The following SOX5 variants were observed in gnomAD, a reference collection of about 807,000 sequenced individuals.
The protein encoded by SOX5 is transcription factor SOX-5.
A neutral mutation model predicts 92.0 loss-of-function variants in SOX5; 9 were observed. That is an observed-to-expected ratio of 0.10 (90% CI 0.06 to 0.17). The LOEUF (loss-of-function observed/expected upper bound fraction) is 0.17. SOX5 is among the 10% of genes least tolerant of loss of function. The pLI, the probability that SOX5 is intolerant of heterozygous loss-of-function variation, is 1.00. For synonymous variants in SOX5, 344 were observed against 336.3 expected (o/e 1.02, Z -0.25); for missense variants, 642 against 944.5 (o/e 0.68, Z 4.20).
At chr12:23,670,266 G>A (rs2139552186) in intron 6 of SOX5, among the ~76,000 whole-genome samples, 1 of 152,222 alleles carries the variant, frequency 6.6e-6, no homozygotes, top group South Asian at 2.1e-4. Context: ...TTAGAACAGA[G>A]GGTAGAAATC....
rs1390117263 is a variant in SOX5 at position 24,128,182 on chromosome 12, T to TATC, written c.-2+85158_-2+85160dup. On this transcript the variant is annotated intron_variant, in intron 4 of 4. Transcript: ENST00000446891. ...TGGGTTTTGCTGTTATTTGTATTAT[T>TATC]ATCATACACAAGGATATTTAAAAAT... Among the ~76,000 whole-genome samples, 4 of 152,324 alleles carry TATC rather than the reference T, an allele frequency of 2.6e-5. No individual in the cohort carries two copies. The South Asian group carries it at 8.3e-4, about 32-fold the overall frequency.
chr12:24,235,629 A>G (rs1964318979), intron 3 of SOX5, among the ~76,000 whole-genome samples: 1 of 152,254 alleles, frequency 6.6e-6, no homozygotes, highest in Admixed American at 6.5e-5. Flanking sequence ...CAAAACGTTT[A>G]TCTTCTTAAG....
chr12:24,349,073 A>G (rs971724927), intron 2 of SOX5, among the ~76,000 whole-genome samples: 1 of 152,156 alleles, frequency 6.6e-6, no homozygotes, highest in Non-Finnish European at 1.5e-5. Flanking sequence ...TTTTCATTTA[A>G]ACATACCCAG....
At chr12:24,457,029 T>C (rs1943094677) in intron 1 of SOX5, among the ~76,000 whole-genome samples, 1 of 152,230 alleles carries the variant, frequency 6.6e-6, no homozygotes, top group Admixed American at 6.5e-5. Flanking sequence ...TTTTGCCAAA[T>C]GCCATACATT....
chr12:23,749,078 T>C (rs1209286752), intron 4 of SOX5, among the ~76,000 whole-genome samples: 1 of 151,894 alleles, frequency 6.6e-6, no homozygotes, highest in Non-Finnish European at 1.5e-5. Flanking sequence ...AGAGAAAAGG[T>C]AGACCTCCCC....
chr12:23,812,233 C>T (rs2095887964), intron 3 of SOX5, among the ~76,000 whole-genome samples: 1 of 151,944 alleles, frequency 6.6e-6, no homozygotes, highest in Admixed American at 6.6e-5. Context: ...AAAACAGCTA[C>T]TAATGGTATA....
chr12:24,190,958 A>G (rs1261603453), intron 4 of SOX5, among the ~76,000 whole-genome samples: 1 of 152,228 alleles, frequency 6.6e-6, no homozygotes, highest in African/African-American at 2.4e-5. Flanking sequence ...ATTTAAAAAA[A>G]AGAGAATGAG....
intron 1 of SOX5, among the ~76,000 whole-genome samples, chr12:24,520,745 G>C (rs1437447017): frequency 6.6e-6 from 1 of 152,172 alleles, no homozygotes; most frequent in Non-Finnish European, 1.5e-5. Context: ...CTTTACAAAA[G>C]ACTCACTTTA....
chr12:24,382,198 T>A (rs1669439773), intron 1 of SOX5, among the ~76,000 whole-genome samples: 3 of 152,096 alleles, frequency 2.0e-5, no homozygotes, highest in South Asian at 2.1e-4. Context: ...GAAAAGCAAG[T>A]CTTTGGTAGT....
At chr12:24,441,506 TC>T (rs1426214493) in intron 1 of SOX5, among the ~76,000 whole-genome samples, 2 of 152,260 alleles carry the variant, frequency 1.3e-5, no homozygotes, top group African/African-American at 4.8e-5. Context: ...TTGCATATTA[TC>T]GGAGCTTGCT....
At chr12:23,923,689 G>C (rs1018407446) in intron 1 of SOX5, among the ~76,000 whole-genome samples, 1 of 152,038 alleles carries the variant, frequency 6.6e-6, no homozygotes, top group Non-Finnish European at 1.5e-5. Context: ...TTGGGGTTTA[G>C]GGTCTTCCAT....
intron 3 of SOX5, among the ~76,000 whole-genome samples, chr12:23,787,888 A>G (rs955300201): frequency 3.3e-5 from 5 of 151,910 alleles, no homozygotes; most frequent in Non-Finnish European, 7.4e-5. Context: ...GATAATACAT[A>G]GGAAAGTGAG....
intron 3 of SOX5, among the ~76,000 whole-genome samples, chr12:23,833,329 C>T (rs61634715): frequency 0.019 from 2,838 of 151,920 alleles, 89 homozygotes; most frequent in African/African-American, 0.063. Context: ...CAATCTGGAG[C>T]CCATCATAAG....
rs2138424821 is a variant in SOX5 at position 23,911,871 on chromosome 12, T to G, written c.39-15847A>C. 4.6e-5 allele frequency among the ~76,000 whole-genome samples: 7 copies of G among 152,246 alleles called. 1 individual carries two copies. Among genetic ancestry groups the G allele is most frequent in the Admixed American group, 4.6e-4 (7 of 15,288 alleles). On this transcript the variant is annotated intron_variant, in intron 1 of 14. Coordinates refer to ENST00000451604, the MANE Select transcript of SOX5 (RefSeq NM_006940.6). ...TTAGAAGGAAACACAGAAGAACATC[T>G]TCGTGGCCTTGGGTTAGGCAATGGT... is the stretch of plus-strand genomic sequence containing the variant.
At chr12:24,322,826 T>C (rs1950331545) in intron 2 of SOX5, among the ~76,000 whole-genome samples, 1 of 149,816 alleles carries the variant, frequency 6.7e-6, no homozygotes, top group South Asian at 2.1e-4. Flanking sequence ...AGACAAAGTA[T>C]CAAATAATGT....
chr12:24,228,384 T>C (rs1962564511), intron 3 of SOX5, among the ~76,000 whole-genome samples: 1 of 152,250 alleles, frequency 6.6e-6, no homozygotes, highest in Admixed American at 6.5e-5. Context: ...GGGATGATTA[T>C]ACATATGTTT....
At chr12:24,359,539 C>T (rs143532430) in intron 2 of SOX5, among the ~76,000 whole-genome samples, 188 of 152,324 alleles carry the variant, frequency 1.2e-3, no homozygotes, top group African/African-American at 4.4e-3. Context: ...GTTCTTCTTG[C>T]TCCCCCTTAG....
At chr12:24,525,130 T>C (rs1950589829) in intron 1 of SOX5, among the ~76,000 whole-genome samples, 1 of 152,182 alleles carries the variant, frequency 6.6e-6, no homozygotes, top group South Asian at 2.1e-4. Context: ...CAATAGCCAA[T>C]ATGTAAAACA....
At chr12:24,559,943 A>T (rs1954170824) in intron 1 of SOX5, among the ~76,000 whole-genome samples, 1 of 152,214 alleles carries the variant, frequency 6.6e-6, no homozygotes, top group Admixed American at 6.5e-5. Context: ...TCTATATACA[A>T]CATGCCATTC....
Sources: allele counts gnomAD v4.1 joint callset (sites outside exome capture counted in the v4.1 genomes callset), GRCh38; gene constraint gnomAD v4.1.1; transcripts MANE v1.5; gene names NCBI Gene and HGNC (gene_info 2026-07-23, HGNC 2026-07-21).